PPP6R3: variants seen among roughly 807,000 people sequenced by gnomAD.
The protein encoded by PPP6R3 is protein phosphatase 6 regulatory subunit 3.
A neutral mutation model predicts 110.7 loss-of-function variants in PPP6R3; 38 were observed. That is an observed-to-expected ratio of 0.34 (90% CI 0.26 to 0.45). The LOEUF is 0.45. Among genes scored for constraint, PPP6R3 ranks in the 20% least tolerant of loss-of-function variants. PPP6R3 has a pLI of 1.00. For synonymous variants in PPP6R3, 369 were observed against 373.5 expected (o/e 0.99, Z 0.14); for missense variants, 870 against 1,062.4 (o/e 0.82, Z 2.52).
intron 8 of PPP6R3, 89 bp downstream of exon 8, chr11:68,558,768 C>T (rs12271290): frequency 0.25 from 236,964 of 961,002 alleles, 30,924 homozygotes; most frequent in Middle Eastern, 0.31. Flanking sequence ...GCTGTAATAG[C>T]GTACCTTTGA....
chr11:68,567,131 G>A lies in PPP6R3; in HGVS notation c.1093G>A (p.Asp365Asn). 5 of 1,550,852 alleles carry A rather than the reference G, an allele frequency of 3.2e-6. No homozygotes were observed. The highest frequency in any genetic ancestry group is 4.4e-6 in the Non-Finnish European group (5 of 1,146,674). Reference sequence around the variant, plus strand: ...AACCAATACCAGCAGTATAAATGGGGACCTTATGGAGCTGAATAGCATTGG... The same window carrying A: ...AACCAATACCAGCAGTATAAATGGGAACCTTATGGAGCTGAATAGCATTGG... ...LQTNTSSING[D>N]LMELNSIGVI... Residue 365 changes from aspartate (D) to asparagine (N), a missense_variant, in exon 10 of 24, where the codon GAC becomes AAC. Coordinates refer to ENST00000393800, the MANE Select transcript of PPP6R3 (RefSeq NM_001164161.2).
chr11:68,494,474 G>C (rs945770594), intron 1 of PPP6R3, among the ~76,000 whole-genome samples: 2 of 150,262 alleles, frequency 1.3e-5, no homozygotes, highest in African/African-American at 4.9e-5. Context: ...TAGATGAGTG[G>C]ACCTGTTTCC....
At chr11:68,519,688 T>A (rs1039662519) in intron 2 of PPP6R3, 37 bp downstream of exon 2, 49 of 398,382 alleles carry the variant, frequency 1.2e-4, no homozygotes, top group African/African-American at 9.6e-4. Context: ...TTCCTTCCAT[T>A]AATGACATCA....
chr11:68,504,158 G>A (rs556649137), intron 1 of PPP6R3, among the ~76,000 whole-genome samples: 1 of 152,280 alleles, frequency 6.6e-6, no homozygotes, highest in South Asian at 2.1e-4. Flanking sequence ...TAAATCAGCA[G>A]TAAAACAAAG....
At chr11:68,585,028 G>T (rs905275498) in intron 15 of PPP6R3, among the ~76,000 whole-genome samples, 1 of 152,194 alleles carries the variant, frequency 6.6e-6, no homozygotes, top group African/African-American at 2.4e-5. Context: ...TCTCATTCAC[G>T]TTTGAGGTTG....
intron 1 of PPP6R3, chr11:68,505,017 T>A (rs2099068419): frequency 6.6e-6 from 1 of 152,218 alleles, no homozygotes; most frequent in Non-Finnish European, 1.5e-5. Flanking sequence ...TAATTTTTCC[T>A]TATTTCTTTG....
At chr11:68,514,187 G>A (rs569972403) in intron 1 of PPP6R3, among the ~76,000 whole-genome samples, 16 of 152,136 alleles carry the variant, frequency 1.1e-4, no homozygotes, top group African/African-American at 3.6e-4. Context: ...GCCTTAGCCT[G>A]TTGAGTAGCT....
intron 19 of PPP6R3, among the ~76,000 whole-genome samples, chr11:68,598,773 CAGAT>C (rs563771050): frequency 2.4e-4 from 36 of 152,296 alleles, no homozygotes; most frequent in African/African-American, 3.6e-4. Context: ...GAGTAGAACT[CAGAT>C]AGAATGATTC....
At chr11:68,569,934 C>G in intron 11 of PPP6R3, 37 bp downstream of exon 11, 1 of 1,569,424 alleles carries the variant, frequency 6.4e-7, no homozygotes, top group Non-Finnish European at 8.7e-7. Context: ...CCCACTCTCT[C>G]CTGGTTATAG....
chr11:68,526,288 C>T (rs539601275), intron 2 of PPP6R3, among the ~76,000 whole-genome samples: 1 of 151,726 alleles, frequency 6.6e-6, no homozygotes, highest in Non-Finnish European at 1.5e-5. Flanking sequence ...CAGGGTCTTA[C>T]TCTGTCAGCC....
rs75180739 is a variant in PPP6R3, at chr11:68,609,801, C to T, written c.2451-103C>T. On this transcript the variant is annotated intron_variant, in intron 22 of 23. Transcript: ENST00000393800. ...TCAGTCCCAGGATGCTTTGCCTCCG[C>T]GGCAGTCATGACTCCAGAGCCATCT... The T allele has an allele frequency of 8.6e-4, 1,361 of 1,577,954 alleles. 10 individuals carry two copies. The African/African-American group carries it at 0.014, about 16-fold the overall frequency.
At chr11:68,552,572 A>C (rs144689022) in intron 6 of PPP6R3, among the ~76,000 whole-genome samples, 2 of 152,310 alleles carry the variant, frequency 1.3e-5, no homozygotes, top group Admixed American at 1.3e-4. Context: ...CCTGCTTAGA[A>C]GGTGCTCTCA....
chr11:68,577,971 T>G (rs1238801342), intron 14 of PPP6R3, among the ~76,000 whole-genome samples: 1 of 152,186 alleles, frequency 6.6e-6, no homozygotes, highest in Non-Finnish European at 1.5e-5. Flanking sequence ...CACTCCAGAA[T>G]TTTGCTGTCT....
intron 2 of PPP6R3, among the ~76,000 whole-genome samples, chr11:68,529,703 A>G (rs1276119425): frequency 1.3e-5 from 2 of 152,224 alleles, no homozygotes; most frequent in Non-Finnish European, 2.9e-5. Flanking sequence ...CTTGTGATCT[A>G]CTTTTTTGAG....
intron 5 of PPP6R3, among the ~76,000 whole-genome samples, chr11:68,550,413 G>A (rs1056612976): frequency 2.6e-5 from 4 of 152,120 alleles, no homozygotes; most frequent in Admixed American, 2.0e-4. Flanking sequence ...TCTAGGTAGT[G>A]AGCTGCCTTG....
intron 1 of PPP6R3, among the ~76,000 whole-genome samples, chr11:68,491,939 G>T (rs1037851890): frequency 2.6e-5 from 4 of 151,994 alleles, no homozygotes; most frequent in Non-Finnish European, 5.9e-5. Context: ...GCCTCATTCA[G>T]AGCTGTCCTG....
Position 68,547,951 on chromosome 11 carries a change from C to T in PPP6R3, c.415-116C>T, listed in dbSNP as rs535075146. The stretch of plus-strand genomic sequence containing the variant: ...ACCTTGTTGCTAATTCAGCATTTGC[C>T]ATTTCTCAACCTAAAGTAGTGGTAG... On this transcript the variant is annotated intron_variant, in intron 4 of 23. Transcript: ENST00000393800. 6 of 1,063,774 alleles carry T rather than the reference C, an allele frequency of 5.6e-6. No individual in the cohort carries two copies. In the African/African-American group the frequency reaches 8.1e-5, roughly 14 times the overall value. The allele number at this position is 1,063,774 out of a possible 1,614,324, so 65.9% of individuals were successfully genotyped here.
chr11:68,526,233 C>T (rs2099196911), intron 2 of PPP6R3, among the ~76,000 whole-genome samples: 1 of 151,912 alleles, frequency 6.6e-6, no homozygotes, highest in South Asian at 2.1e-4. Context: ...TGAGAATTTA[C>T]TGATTTTACT....
chr11:68,484,943 C>A (rs562301799), intron 1 of PPP6R3, among the ~76,000 whole-genome samples: 11 of 152,216 alleles, frequency 7.2e-5, no homozygotes, highest in Admixed American at 2.0e-4. Context: ...AGATTTTGAT[C>A]AGGATTGCAT....
Sources: allele counts gnomAD v4.1 joint callset (sites outside exome capture counted in the v4.1 genomes callset), GRCh38; gene constraint gnomAD v4.1.1; transcripts MANE v1.5; gene names NCBI Gene and HGNC (gene_info 2026-07-23, HGNC 2026-07-21).